The following KIF26B variants were observed in gnomAD, a reference collection of about 807,000 sequenced individuals.
KIF26B encodes kinesin-like protein KIF26B.
In KIF26B, 63 loss-of-function variants were observed where a neutral mutation model predicts 151.2. The ratio of observed to expected loss-of-function variants is 0.42; its 90% CI spans 0.34 to 0.51. The LOEUF (loss-of-function observed/expected upper bound fraction) is 0.51. KIF26B is among the 20% of genes least tolerant of loss of function. The probability of loss-of-function intolerance (pLI) is 0.07; values close to 1 mark genes in which losing one functional copy is unlikely to be tolerated. For missense variants in KIF26B, 2,813 were observed against 2,913.6 expected, an observed-to-expected ratio of 0.97 and a Z score of 0.79; for synonymous variants, 1,357 against 1,262.1, an observed-to-expected ratio of 1.08 and a Z score of -1.59.
At chr1:245,316,098 A>G (rs1312546719) in intron 2 of KIF26B, among the ~76,000 whole-genome samples, 3 of 151,864 alleles carry the variant, frequency 2.0e-5, no homozygotes, top group African/African-American at 7.3e-5. Flanking sequence ...TGCAAGGAAA[A>G]TTGCTGAGAC....
At chr1:245,626,143 A>C (rs2043721847) in intron 9 of KIF26B, among the ~76,000 whole-genome samples, 1 of 152,086 alleles carries the variant, frequency 6.6e-6, no homozygotes, top group Admixed American at 6.5e-5. Context: ...TTGGACACTT[A>C]GGTTGATTCT....
intron 10 of KIF26B, among the ~76,000 whole-genome samples, chr1:245,676,652 T>C (rs2044360041): frequency 6.6e-6 from 1 of 152,202 alleles, no homozygotes; most frequent in South Asian, 2.1e-4. Flanking sequence ...TGGCCCAAAT[T>C]TCATCCAGAC....
At chr1:245,673,468 AG>A (rs548522139) in intron 10 of KIF26B, among the ~76,000 whole-genome samples, 5 of 152,360 alleles carry the variant, frequency 3.3e-5, no homozygotes, top group Non-Finnish European at 5.9e-5. Flanking sequence ...GGTTTTGCTT[AG>A]GGGGCAGATA....
At chr1:245,287,856 T>C (rs904422079) in intron 2 of KIF26B, among the ~76,000 whole-genome samples, 3 of 152,122 alleles carry the variant, frequency 2.0e-5, no homozygotes, top group African/African-American at 7.2e-5. Flanking sequence ...CTAACTTCAG[T>C]AGTAACTTGG....
intron 2 of KIF26B, among the ~76,000 whole-genome samples, chr1:245,365,255 A>G (rs1672918521): frequency 6.6e-6 from 1 of 151,828 alleles, no homozygotes; most frequent in Admixed American, 6.6e-5. Flanking sequence ...CCTCAACCAG[A>G]CTCGCTCAAC....
chr1:245,700,209 C>G (rs1368020018), intron 14 of KIF26B, among the ~76,000 whole-genome samples: 1 of 152,160 alleles, frequency 6.6e-6, no homozygotes, highest in African/African-American at 2.4e-5. Flanking sequence ...TCAGGTAAGA[C>G]ACTTAACTCT....
At chr1:245,432,461 G>A (rs1426523468) in intron 4 of KIF26B, among the ~76,000 whole-genome samples, 2 of 152,144 alleles carry the variant, frequency 1.3e-5, no homozygotes, top group East Asian at 3.9e-4. Flanking sequence ...ATAAACCAAA[G>A]AAAGATTTAA....
chr1:245,552,069 C>T (rs1661895458), intron 5 of KIF26B, among the ~76,000 whole-genome samples: 1 of 150,688 alleles, frequency 6.6e-6, no homozygotes, highest in South Asian at 2.1e-4. Context: ...CATAGGTGCT[C>T]AGTAAATACT....
At position 245,708,199 on chromosome 1, in the gene KIF26B, G is replaced by C. The variant is rs977498862; in HGVS notation, c.*5593G>C. The C allele has an allele frequency of 6.6e-6, 1 of 152,228 alleles. No homozygotes were observed. Among genetic ancestry groups the C allele is most frequent in the Non-Finnish European group, 1.5e-5 (1 of 68,062 alleles). 9.4% of individuals were successfully genotyped at this position (152,228 alleles called of 1,614,324 possible). On this transcript the variant is annotated 3_prime_UTR_variant, in exon 15 of 15. Transcript: ENST00000407071. ...GCCTCAGGTTCCCGAGTGGAAGACT[G>C]GGGGTCAGAACAGCTGCCCTTCTGG... is the stretch of plus-strand genomic sequence containing the variant.
intron 3 of KIF26B, among the ~76,000 whole-genome samples, chr1:245,372,109 C>T (rs977773674): frequency 6.6e-6 from 1 of 152,040 alleles, no homozygotes; most frequent in Non-Finnish European, 1.5e-5. Context: ...AGGTGACTGG[C>T]GGGTGGGTGG....
intron 5 of KIF26B, among the ~76,000 whole-genome samples, chr1:245,552,129 G>T (rs865858348): frequency 9.8e-6 from 1 of 101,976 alleles, no homozygotes; most frequent in Non-Finnish European, 1.9e-5. Flanking sequence ...CAGGGTGTGT[G>T]TGTGTGTGTG....
At chr1:245,553,696 A>C (rs1661949794) in intron 5 of KIF26B, among the ~76,000 whole-genome samples, 1 of 152,172 alleles carries the variant, frequency 6.6e-6, no homozygotes, top group African/African-American at 2.4e-5. Flanking sequence ...ATGATCCTTT[A>C]GCCCTACTCC....
chr1:245,158,121 C>A (rs1668475487), intron 2 of KIF26B, among the ~76,000 whole-genome samples: 1 of 151,992 alleles, frequency 6.6e-6, no homozygotes, highest in African/African-American at 2.4e-5. Flanking sequence ...GATGGAAGGA[C>A]CTTGGTTCTT....
At chr1:245,266,268 G>A (rs376307703) in intron 2 of KIF26B, among the ~76,000 whole-genome samples, 1 of 152,142 alleles carries the variant, frequency 6.6e-6, no homozygotes, top group African/African-American at 2.4e-5. Context: ...AACCAGACTG[G>A]TGAAAATATG....
intron 2 of KIF26B, among the ~76,000 whole-genome samples, chr1:245,208,702 G>A (rs551206117): frequency 2.6e-5 from 4 of 152,250 alleles, no homozygotes; most frequent in South Asian, 4.1e-4. Context: ...TTTAGTGTGC[G>A]CAGCCAGGCT....
In KIF26B at chr1:245,488,611, C is replaced by G. The variant is rs1213684707; in HGVS notation, c.1167-52156C>G. Among the ~76,000 whole-genome samples, 1 of 152,324 alleles carries G rather than the reference C, an allele frequency of 6.6e-6. No homozygotes were observed. The highest frequency in any genetic ancestry group is 2.4e-5 in the African/African-American group (1 of 41,562). ...TGGAATTAGATCGGAGCCACAGATG[C>G]TATCACTCCTCTGCCGTGGCCCCAT... On this transcript the variant is annotated intron_variant, in intron 4 of 14. Coordinates refer to ENST00000407071, the MANE Select transcript of KIF26B (RefSeq NM_018012.4). This position sits in a 1 kb window ranked among gnomAD's most constrained non-coding sequence, Gnocchi z 4.6.
intron 2 of KIF26B, among the ~76,000 whole-genome samples, chr1:245,203,885 G>A (rs572709335): frequency 5.9e-5 from 9 of 152,152 alleles, no homozygotes; most frequent in Non-Finnish European, 1.0e-4. Flanking sequence ...AGAGGGGAGC[G>A]GGTGCTGCCA....
chr1:245,662,182 AAT>A (rs201721242), intron 10 of KIF26B, among the ~76,000 whole-genome samples: 1 of 150,272 alleles, frequency 6.7e-6, no homozygotes, highest in African/African-American at 2.5e-5. Flanking sequence ...ACACACACCC[AAT>A]ATATATATAC....
intron 5 of KIF26B, among the ~76,000 whole-genome samples, chr1:245,575,245 C>T (rs1229728765): frequency 2.1e-4 from 32 of 151,656 alleles, no homozygotes; most frequent in Admixed American, 1.9e-3. Context: ...GAGGCAGAGG[C>T]GAGTGGATCA....
Sources: gnomAD v4.1 joint callset for allele counts (sites outside exome capture counted in the v4.1 genomes callset) on GRCh38, gnomAD v4.1.1 for gene constraint, Gnocchi (gnomAD v3.1) non-coding constraint, MANE v1.5 for transcripts, NCBI Gene and HGNC (gene_info 2026-07-23, HGNC 2026-07-21) for gene names.